The following PCDHGA11 variants were observed in gnomAD, a reference collection of about 807,000 sequenced individuals.
PCDHGA11 encodes protocadherin gamma subfamily A, 11.
A neutral mutation model predicts 60.4 loss-of-function variants in PCDHGA11; 39 were observed. The ratio of observed to expected loss-of-function variants is 0.65; its 90% CI spans 0.50 to 0.84. The LOEUF is 0.84. PCDHGA11 is among the 40% of genes least tolerant of loss of function. The pLI, the probability that PCDHGA11 is intolerant of heterozygous loss-of-function variation, is 0.00. For synonymous variants in PCDHGA11, 533 were observed against 510.3 expected, an observed-to-expected ratio of 1.04 and a Z score of -0.60; for missense variants, 1,165 against 1,197.7, an observed-to-expected ratio of 0.97 and a Z score of 0.40.
At chr5:141,457,820 C>CTCAG (rs2098930320) in intron 1 of PCDHGA11, among the ~76,000 whole-genome samples, 1 of 152,198 alleles carries the variant, frequency 6.6e-6, no homozygotes, top group African/African-American at 2.4e-5. Flanking sequence ...CCAAGATAAA[C>CTCAG]TCAGAGCTTC....
intron 1 of PCDHGA11, among the ~76,000 whole-genome samples, chr5:141,492,927 G>C (rs925569925): frequency 6.6e-6 from 1 of 152,180 alleles, no homozygotes; most frequent in Non-Finnish European, 1.5e-5. Context: ...AGCGATCTAG[G>C]GTCAGAGATT....
At position 141,511,124 on chromosome 5, in the gene PCDHGA11, C is replaced by A. The variant is rs752246201; in HGVS notation, c.2759C>A (p.Ala920Glu). The A allele has an allele frequency of 6.2e-7, 1 of 1,614,206 alleles. No homozygotes were observed. The highest frequency in any genetic ancestry group is 8.5e-7 in the Non-Finnish European group (1 of 1,180,022). ...AAGKRDGKAP[A>E]GGNGNKKKSG... The stretch of plus-strand genomic sequence containing the variant: ...GGCAAGCGGGATGGCAAGGCCCCAG[C>A]AGGTGGCAATGGCAACAAGAAGAAG... Residue 920 changes from alanine (A) to glutamate (E), a missense_variant, in exon 4 of 4, where the codon GCA becomes GAA. Coordinates refer to ENST00000398587, the MANE Select transcript of PCDHGA11 (RefSeq NM_018914.3).
rs756330109 is a variant in PCDHGA11, at chr5:141,432,621, T to A, written c.2433+8961T>A. ...GAGCCGGGACTCTTCTCGGTGGGTC[T>A]GCACACGGGCGAGGTGCGCACGGCG... On this transcript the variant is annotated intron_variant, in intron 1 of 3. Transcript: ENST00000398587. This position sits in a 1 kb window ranked among gnomAD's most constrained non-coding sequence, Gnocchi z 6.0. The A allele has an allele frequency of 3.1e-6, 5 of 1,612,942 alleles. No homozygotes were observed. Among genetic ancestry groups the A allele is most frequent in the Admixed American group, 1.7e-5 (1 of 59,962 alleles).
Position 141,487,165 on chromosome 5 carries a change from C to T in PCDHGA11, c.2434-7642C>T, listed in dbSNP as rs1014219030. The T allele has an allele frequency of 1.9e-6, 3 of 1,612,932 alleles. No homozygotes were observed. The highest frequency in any genetic ancestry group is 2.5e-6 in the Non-Finnish European group (3 of 1,178,918). On this transcript the variant is annotated intron_variant, in intron 1 of 3. Coordinates refer to ENST00000398587, the MANE Select transcript of PCDHGA11 (RefSeq NM_018914.3). The surrounding 1 kb of genome is among the most constrained non-coding windows in gnomAD (Gnocchi z 5.0). ...CTACCTCTGTTACTCTCTTAGTGTC[C>T]TTAGAGGAAGACACTCATCCAGTTG...
Position 141,481,770 on chromosome 5 carries a change from G to T in PCDHGA11, c.2434-13037G>T, listed in dbSNP as rs188953511. 6.1e-3 allele frequency among the ~76,000 whole-genome samples: 929 copies of T among 152,184 alleles called. 10 individuals are homozygous for T. Among genetic ancestry groups the T allele is most frequent in the African/African-American group, 0.022 (895 of 41,516 alleles). On this transcript the variant is annotated intron_variant, in intron 1 of 3. Coordinates refer to ENST00000398587, the MANE Select transcript of PCDHGA11 (RefSeq NM_018914.3). ...AGTCCAAGACCAGCCTGGCCAACAT[G>T]GTGAAACCCCGTCTCTACTAAAAAT... is the stretch of plus-strand genomic sequence containing the variant.
At chr5:141,445,207 AAAGT>A (rs1322618652) in intron 1 of PCDHGA11, among the ~76,000 whole-genome samples, 1 of 152,196 alleles carries the variant, frequency 6.6e-6, no homozygotes, top group Non-Finnish European at 1.5e-5. Flanking sequence ...ATGCTTTTGA[AAAGT>A]AAGAGGTGCA....
intron 1 of PCDHGA11, among the ~76,000 whole-genome samples, chr5:141,454,371 G>A (rs901551817): frequency 6.6e-6 from 1 of 152,096 alleles, no homozygotes; most frequent in Non-Finnish European, 1.5e-5. Context: ...AAGGAGTATG[G>A]CAACTTGTCA....
At chr5:141,450,627 C>T (rs947866993) in intron 1 of PCDHGA11, among the ~76,000 whole-genome samples, 13 of 151,592 alleles carry the variant, frequency 8.6e-5, no homozygotes, top group African/African-American at 3.2e-4. Context: ...GCTGGGATTA[C>T]AGATGCCTGC....
rs1306500688 is a variant in PCDHGA11 at position 141,491,142 on chromosome 5, A to T, written c.2434-3665A>T. ...GTGAGGTGCGCACAGCCCGGGCCTTACTGGAGGATGACTCTGACACCCAGC... is the reference window on the plus strand; with the variant it reads ...GTGAGGTGCGCACAGCCCGGGCCTTTCTGGAGGATGACTCTGACACCCAGC... On this transcript the variant is annotated intron_variant, in intron 1 of 3. Coordinates refer to ENST00000398587, the MANE Select transcript of PCDHGA11 (RefSeq NM_018914.3). This position sits in a 1 kb window ranked among gnomAD's most constrained non-coding sequence, Gnocchi z 6.9. 6.2e-7 allele frequency: 1 copy of T among 1,614,090 alleles called. No homozygotes were observed. Among genetic ancestry groups the T allele is most frequent in the Non-Finnish European group, 8.5e-7 (1 of 1,179,976 alleles).
At position 141,431,754 on chromosome 5, in the gene PCDHGA11, A is replaced by C; in HGVS notation, c.2433+8094A>C. ...AATGCAGGATATTCTGCGCGAGCCA[A>C]AGTCCTGATCACTGTTCTGGACGTG... On this transcript the variant is annotated intron_variant, in intron 1 of 3. Transcript: ENST00000398587. The surrounding 1 kb of genome is among the most constrained non-coding windows in gnomAD (Gnocchi z 4.8). The C allele has an allele frequency of 6.2e-7, 1 of 1,614,208 alleles. No individual in the cohort carries two copies. Among genetic ancestry groups the C allele is most frequent in the Middle Eastern group, 1.6e-4 (1 of 6,062 alleles).
chr5:141,457,480 G>A lies in PCDHGA11; in HGVS notation c.2433+33820G>A, dbSNP rs566798464. ...GATTCACAGGAATAAGCAGGGCCAGGGTTAGTCTAAAATGTAGGCAAAAAG... is the reference window on the plus strand; with the variant it reads ...GATTCACAGGAATAAGCAGGGCCAGAGTTAGTCTAAAATGTAGGCAAAAAG... On this transcript the variant is annotated intron_variant, in intron 1 of 3. Transcript: ENST00000398587. 2.0e-5 allele frequency among the ~76,000 whole-genome samples: 3 copies of A among 152,266 alleles called. No individual in the cohort carries two copies. In the South Asian group the frequency reaches 6.2e-4, roughly 32 times the overall value.
chr5:141,421,564 G>C lies in PCDHGA11; in HGVS notation c.337G>C (p.Asp113His). 1 of 1,613,982 alleles carries C rather than the reference G, an allele frequency of 6.2e-7. No individual in the cohort carries two copies. The highest frequency in any genetic ancestry group is 8.5e-7 in the Non-Finnish European group (1 of 1,179,872). The stretch of plus-strand genomic sequence containing the variant: ...TTTAAATATGGAACTTCTCGTGGAA[G>C]ACACCTTGAAGATTTACGGAGTGGA... The part of the protein sequence containing the change: ...CFLNMELLVE[D>H]TLKIYGVEVE... Residue 113 changes from aspartate to histidine, a missense_variant, in exon 1 of 4, where the codon GAC (aspartate) becomes CAC (histidine). Transcript: ENST00000398587.
At chr5:141,425,110 C>T (rs1335909720) in intron 1 of PCDHGA11, among the ~76,000 whole-genome samples, 1 of 152,166 alleles carries the variant, frequency 6.6e-6, no homozygotes, top group East Asian at 1.9e-4. Context: ...CAGATGCCTA[C>T]ATTTTTCTTG....
intron 1 of PCDHGA11, among the ~76,000 whole-genome samples, chr5:141,494,100 G>T (rs559145191): frequency 6.6e-6 from 1 of 152,152 alleles, no homozygotes; most frequent in Non-Finnish European, 1.5e-5. Flanking sequence ...ATTTTTCTCC[G>T]TCTCAGACAG....
At chr5:141,430,682 C>A (rs2097302907) in intron 1 of PCDHGA11, 1 of 1,361,564 alleles carries the variant, frequency 7.3e-7, no homozygotes, top group South Asian at 1.7e-5. Flanking sequence ...CCAACTGTCC[C>A]ATTCTATGGG....
Position 141,511,151 on chromosome 5 carries a change from C to T in PCDHGA11, c.2786C>T (p.Ser929Leu), listed in dbSNP as rs202071188. The T allele has an allele frequency of 3.0e-5, 49 of 1,614,152 alleles. No individual in the cohort carries two copies. The highest frequency in any genetic ancestry group is 2.6e-4 in the South Asian group (24 of 91,066). The change falls in exon 4 of 4, where the codon TCG becomes TTG. Residue 929 changes from serine (S) to leucine (L), a missense_variant. Ser to Leu is a moderately radical substitution (Grantham distance 145, BLOSUM62 -2). Coordinates refer to ENST00000398587, the MANE Select transcript of PCDHGA11 (RefSeq NM_018914.3). ...GGTGGCAATGGCAACAAGAAGAAGT[C>T]GGGCAAGAAGGAGAAGAAGTAACAT... ...PAGGNGNKKK[S>L]GKKEKK
At chr5:141,478,177 A>G (rs769503109) in intron 1 of PCDHGA11, 1 of 1,613,988 alleles carries the variant, frequency 6.2e-7, no homozygotes, top group South Asian at 1.1e-5. Context: ...GGGAGCAGAA[A>G]AAAAATCTCA....
chr5:141,448,496 G>A (rs1277705943), intron 1 of PCDHGA11, among the ~76,000 whole-genome samples: 1 of 152,024 alleles, frequency 6.6e-6, no homozygotes, highest in Non-Finnish European at 1.5e-5. Flanking sequence ...GTCCCCTGTA[G>A]GTAAACATTT....
At chr5:141,484,075 C>G (rs1397285710) in intron 1 of PCDHGA11, among the ~76,000 whole-genome samples, 2 of 152,084 alleles carry the variant, frequency 1.3e-5, no homozygotes, top group African/African-American at 4.8e-5. Context: ...AAAGCTTGCT[C>G]TTTTGAAATG....
Sources: allele counts gnomAD v4.1 joint callset (sites outside exome capture counted in the v4.1 genomes callset), GRCh38; gene constraint gnomAD v4.1.1; non-coding constraint Gnocchi (gnomAD v3.1); transcripts MANE v1.5; gene names NCBI Gene and HGNC (gene_info 2026-07-23, HGNC 2026-07-21).